Variants in SETX observed in about 807,000 individuals in gnomAD.
SETX encodes helicase senataxin.
A neutral mutation model predicts 227.2 loss-of-function variants in SETX; 90 were observed. That is an observed-to-expected ratio of 0.40 (90% CI 0.33 to 0.47). The LOEUF (loss-of-function observed/expected upper bound fraction) is 0.47, where lower values mean the gene tolerates loss of function less well. SETX is among the 20% of genes least tolerant of loss of function. SETX has a pLI of 0.91. For missense variants in SETX, 3,052 were observed against 3,181.5 expected, an observed-to-expected ratio of 0.96 and a Z score of 0.98; for synonymous variants, 1,210 against 1,113.2, an observed-to-expected ratio of 1.09 and a Z score of -1.73.
At chr9:132,283,236 A>G (rs1356269059) in intron 19 of SETX, 28 bp downstream of exon 19, 2 of 1,614,076 alleles carry the variant, frequency 1.2e-6, no homozygotes, top group South Asian at 2.2e-5. Flanking sequence ...AGTAGTAGTC[A>G]AAGTTGTATG....
intron 20 of SETX, among the ~76,000 whole-genome samples, chr9:132,280,375 C>T (rs567460904): frequency 1.5e-3 from 231 of 152,034 alleles, no homozygotes; most frequent in Non-Finnish European, 2.3e-3. Flanking sequence ...TCACTATATG[C>T]CAAGGCCCTT....
At position 132,327,274 on chromosome 9, in the gene SETX, A is replaced by C. The variant is rs531069874; in HGVS notation, c.4324T>G (p.Cys1442Gly). The change falls in exon 10 of 26, where the codon TGT becomes GGT. Residue 1442 changes from cysteine (C) to glycine (G), a missense_variant. This residue lies in a region of SETX where 1,483 missense variants were observed against 1,312.0 expected (regional missense o/e 1.13). Coordinates refer to ENST00000224140, the MANE Select transcript of SETX (RefSeq NM_015046.7). ...ATDDACPLNQ[C>G]DSVVLNGTVP... is the part of the protein sequence containing the mutation. ...GTTCCATTTAACACTACAGAATCACACTGGTTCAAAGGGCAAGCATCATCA... is the reference window on the plus strand; with the variant it reads ...GTTCCATTTAACACTACAGAATCACCCTGGTTCAAAGGGCAAGCATCATCA... 2 of 1,614,174 alleles carry C rather than the reference A, an allele frequency of 1.2e-6. No homozygotes were observed. The highest frequency in any genetic ancestry group is 2.2e-5 in the East Asian group (1 of 44,872).
At chr9:132,344,602 C>A (rs993457897) in intron 4 of SETX, among the ~76,000 whole-genome samples, 1 of 152,066 alleles carries the variant, frequency 6.6e-6, no homozygotes, top group Non-Finnish European at 1.5e-5. Context: ...GGGCCAGGCA[C>A]GCTGGCTTAC....
At chr9:132,269,405 T>G (rs1842792595) in intron 25 of SETX, 1 of 1,555,444 alleles carries the variant, frequency 6.4e-7, no homozygotes. Flanking sequence ...ATGGTCACCT[T>G]GAGAGCCCAG....
At chr9:132,296,555 T>C (rs542719656) in intron 14 of SETX, among the ~76,000 whole-genome samples, 1 of 150,804 alleles carries the variant, frequency 6.6e-6, no homozygotes, top group East Asian at 1.9e-4. Flanking sequence ...AGCGAGACAC[T>C]GTCTCAAAAA....
At chr9:132,346,092 T>C (rs2131556332) in intron 4 of SETX, among the ~76,000 whole-genome samples, 169 bp downstream of exon 4, 1 of 152,342 alleles carries the variant, frequency 6.6e-6, no homozygotes, top group South Asian at 2.1e-4. Context: ...AAAATAGGTA[T>C]TTTGTGTTTG....
intron 11 of SETX, among the ~76,000 whole-genome samples, chr9:132,301,936 G>C (rs190603120): frequency 1.3e-5 from 2 of 152,230 alleles, no homozygotes; most frequent in Non-Finnish European, 2.9e-5. Context: ...AACCACTGCT[G>C]AGAGAAACTG....
chr9:132,342,553 T>C lies in SETX; in HGVS notation c.498+137A>G. ...TCTTTGACCCCAGAGCGCCCTCTACTTAACTGTAGTAAATTTTAAAGCAAG... is the reference window on the plus strand; with the variant it reads ...TCTTTGACCCCAGAGCGCCCTCTACCTAACTGTAGTAAATTTTAAAGCAAG... On this transcript the variant is annotated intron_variant, in intron 5 of 25. Transcript: ENST00000224140. The C allele has an allele frequency of 5.1e-6, 4 of 787,002 alleles. No homozygotes were observed. The Admixed American group carries it at 6.8e-5, about 13-fold the overall frequency. 48.8% of individuals were successfully genotyped at this position (787,002 alleles called of 1,614,324 possible).
Position 132,353,658 on chromosome 9 carries a change from T to G in SETX, c.-17A>C, listed in dbSNP as rs1304622045. 6.6e-6 allele frequency: 1 copy of G among 151,840 alleles called. No individual in the cohort carries two copies. The highest frequency in any genetic ancestry group is 2.1e-4 in the South Asian group (1 of 4,830). The allele number at this position is 151,840 out of a possible 1,614,324, so 9.4% of individuals were successfully genotyped here. On this transcript the variant is annotated 5_prime_UTR_variant, in exon 2 of 26. Transcript: ENST00000224140. ...AAAAAAAAATTATTACCTGGACAAA[T>G]GGCCTACAGAAAAGTGATCGTCTCA...
chr9:132,284,681 T>A (rs1328677040), intron 18 of SETX, among the ~76,000 whole-genome samples: 3 of 152,252 alleles, frequency 2.0e-5, no homozygotes, highest in African/African-American at 7.2e-5. Context: ...AGGGAGTTTA[T>A]GCTCTAACCC....
At chr9:132,335,410 A>C (rs1034875433) in intron 6 of SETX, among the ~76,000 whole-genome samples, 3 of 151,326 alleles carry the variant, frequency 2.0e-5, no homozygotes, top group Admixed American at 2.0e-4. Context: ...AAAAAAAAAA[A>C]AAAAAAGTAT....
chr9:132,283,241 T>C (rs1271479140), intron 19 of SETX, 23 bp downstream of exon 19: 2 of 1,613,820 alleles, frequency 1.2e-6, no homozygotes, highest in Non-Finnish European at 1.7e-6. Context: ...TAGTCAAAGT[T>C]GTATGGCTGA....
rs553554725 is a variant in SETX, at chr9:132,304,283, T to C, written c.5375-3480A>G. Among the ~76,000 whole-genome samples the C allele has an allele frequency of 3.9e-5, 6 of 152,198 alleles. No individual in the cohort carries two copies. In the South Asian group the frequency reaches 1.2e-3, roughly 32 times the overall value. On this transcript the variant is annotated intron_variant, in intron 11 of 25. Transcript: ENST00000224140. ...GGCAGTACTTGAAACTCAAAGCTTC[T>C]GAGGGACAAGAGAAGAAGGGAGAAG...
intron 11 of SETX, among the ~76,000 whole-genome samples, chr9:132,308,514 A>G (rs1340165456): frequency 2.0e-5 from 3 of 152,232 alleles, no homozygotes; most frequent in African/African-American, 7.2e-5. Flanking sequence ...TTTGGATCTT[A>G]AGCTGAAAAA....
At chr9:132,313,799 T>C (rs1201100050) in intron 10 of SETX, among the ~76,000 whole-genome samples, 3 of 151,464 alleles carry the variant, frequency 2.0e-5, no homozygotes, top group African/African-American at 4.8e-5. Flanking sequence ...TTAGAAAACA[T>C]ACTCCTTTCA....
intron 3 of SETX, 126 bp from the exon 4 acceptor site, chr9:132,346,597 AT>A: frequency 1.4e-6 from 1 of 709,288 alleles, no homozygotes; most frequent in Non-Finnish European, 2.4e-6. Context: ...TAGAGCTTGT[AT>A]TTTAGATTTA....
In SETX at chr9:132,275,317, G is replaced by A; in HGVS notation, c.7039C>T (p.His2347Tyr). ...ATCATCGTCTTCTGGGCCTTGTAAT[G>A]AGTTATTATGCCAATGTTTCGAAAA... is the stretch of plus-strand genomic sequence containing the variant. ...VSFRNIGIIT[H>Y]YKAQKTMIQK... The change falls in exon 23 of 26, where the codon CAT becomes TAT. Residue 2347 changes from histidine (H) to tyrosine (Y), a missense_variant. By Grantham distance (83) the His-to-Tyr change is moderately conservative. Coordinates refer to ENST00000224140, the MANE Select transcript of SETX (RefSeq NM_015046.7). 6.2e-7 allele frequency: 1 copy of A among 1,614,000 alleles called. No individual in the cohort carries two copies. The highest frequency in any genetic ancestry group is 8.5e-7 in the Non-Finnish European group (1 of 1,179,932).
At chr9:132,325,713 G>C (rs1564535400) in intron 10 of SETX, among the ~76,000 whole-genome samples, 1 of 151,958 alleles carries the variant, frequency 6.6e-6, no homozygotes, top group African/African-American at 2.4e-5. Flanking sequence ...GATCACCTGA[G>C]GTCAGAATCA....
rs1846793436 is a variant in SETX at position 132,326,649 on chromosome 9, C to G, written c.4949G>C (p.Gly1650Ala). 1.2e-6 allele frequency: 2 copies of G among 1,614,224 alleles called. No homozygotes were observed. Among genetic ancestry groups the G allele is most frequent in the East Asian group, 4.5e-5 (2 of 44,886 alleles). ...PVPLIAQKPV[G>A]EMKNSCNVLH... ...AACATTGCACGAATTCTTCATTTCA[C>G]CAACTGGCTTCTGAGCTATGAGGGG... The change falls in exon 10 of 26, where the codon GGT (glycine) becomes GCT (alanine). Residue 1650 changes from glycine (G) to alanine (A), a missense_variant. By Grantham distance (60) the Gly-to-Ala change is moderately conservative. Transcript: ENST00000224140.
Sources: gnomAD v4.1 joint callset for allele counts (sites outside exome capture counted in the v4.1 genomes callset) on GRCh38, gnomAD v4.1.1 for gene constraint, gnomAD v4.1.1 regional missense constraint, MANE v1.5 for transcripts, NCBI Gene and HGNC (gene_info 2026-07-23, HGNC 2026-07-21) for gene names.